The following NEGR1 variants were observed in gnomAD, a reference collection of about 807,000 sequenced individuals.
NEGR1 encodes IgLON family member 4.
A neutral mutation model predicts 40.9 loss-of-function variants in NEGR1; 10 were observed. That is an observed-to-expected ratio of 0.24 (90% CI 0.15 to 0.42). The LOEUF is 0.42. Ranked by LOEUF, NEGR1 falls within the 10% of genes least tolerant of loss-of-function variation. NEGR1 has a pLI of 1.00. For synonymous variants in NEGR1, 185 were observed against 166.8 expected (o/e 1.11, Z -0.84); for missense variants, 352 against 438.9 (o/e 0.80, Z 1.77).
chr1:72,115,846 A>T (rs1028879866), intron 1 of NEGR1, among the ~76,000 whole-genome samples: 3 of 151,702 alleles, frequency 2.0e-5, no homozygotes, highest in Non-Finnish European at 4.4e-5. Context: ...TGCCATCCTT[A>T]TGGTGGGGTG....
Position 72,115,202 on chromosome 1 carries a change from T to C in NEGR1, c.176+167117A>G, listed in dbSNP as rs74525173. Among the ~76,000 whole-genome samples, 16 of 92,074 alleles carry C rather than the reference T, an allele frequency of 1.7e-4. No individual in the cohort carries two copies. In the East Asian group the frequency reaches 4.3e-3, roughly 25 times the overall value. The allele number at this position is 92,074 out of a possible 152,430, so 60.4% of individuals were successfully genotyped here. A position where few individuals can be genotyped will look rare whatever the true frequency, so the allele number is the denominator to read the frequency against. ...GAAAAATGCGTTAATTGTGGTCTTT[T>C]ATATATATATTTTTTCATTTAGCAT... On this transcript the variant is annotated intron_variant, in intron 1 of 6. Coordinates refer to ENST00000357731, the MANE Select transcript of NEGR1 (RefSeq NM_173808.3).
In NEGR1 at chr1:72,204,632, A is replaced by G. The variant is rs1348431401; in HGVS notation, c.176+77687T>C. On this transcript the variant is annotated intron_variant, in intron 1 of 6. Transcript: ENST00000357731. ...ACAAATTACATGCTGACTTCCTTCA[A>G]GTATTATTATAGTTTGGGTTATAAG... Among the ~76,000 whole-genome samples, 3 of 152,280 alleles carry G rather than the reference A, an allele frequency of 2.0e-5. No individual in the cohort carries two copies. In the East Asian group the frequency reaches 5.8e-4, roughly 29 times the overall value.
At chr1:71,496,572 G>C (rs1197674587) in intron 6 of NEGR1, among the ~76,000 whole-genome samples, 1 of 141,962 alleles carries the variant, frequency 7.0e-6, no homozygotes, top group Non-Finnish European at 1.5e-5. Flanking sequence ...CCTTGGGCTA[G>C]GATTATGACA....
At chr1:72,063,042 T>C (rs987957542) in intron 1 of NEGR1, among the ~76,000 whole-genome samples, 1 of 151,954 alleles carries the variant, frequency 6.6e-6, no homozygotes, top group African/African-American at 2.4e-5. Flanking sequence ...TAAAGAAGCG[T>C]TGATTTTAGA....
intron 1 of NEGR1, among the ~76,000 whole-genome samples, chr1:72,050,198 T>C (rs1647045600): frequency 6.6e-6 from 1 of 151,624 alleles, no homozygotes; most frequent in Non-Finnish European, 1.5e-5. Flanking sequence ...TTAATGATGA[T>C]TAATGTTAAA....
At chr1:72,269,492 G>A (rs1428181773) in intron 1 of NEGR1, among the ~76,000 whole-genome samples, 1 of 151,724 alleles carries the variant, frequency 6.6e-6, no homozygotes, top group Non-Finnish European at 1.5e-5. Flanking sequence ...GAAAGGAAAT[G>A]AGTCTGAGCT....
intron 3 of NEGR1, among the ~76,000 whole-genome samples, chr1:71,737,186 G>C (rs1011155167): frequency 2.0e-5 from 3 of 152,162 alleles, no homozygotes; most frequent in Admixed American, 6.6e-5. Flanking sequence ...TTTGAAAAGG[G>C]AAATGAAATA....
intron 2 of NEGR1, among the ~76,000 whole-genome samples, chr1:71,858,832 A>C (rs540251623): frequency 6.6e-5 from 10 of 152,090 alleles, no homozygotes; most frequent in Non-Finnish European, 1.2e-4. Context: ...TATTTAGTTG[A>C]ATATCAGCCC....
intron 3 of NEGR1, among the ~76,000 whole-genome samples, chr1:71,761,013 C>CA (rs2101699841): frequency 6.6e-6 from 1 of 152,266 alleles, no homozygotes; most frequent in East Asian, 1.9e-4. Flanking sequence ...TCATAATTTT[C>CA]ATGTTTTACT....
At chr1:72,274,692 TGAA>T in intron 1 of NEGR1, 2 of 983,290 alleles carry the variant, frequency 2.0e-6, no homozygotes, top group Non-Finnish European at 1.7e-6. Context: ...AAAAACCCAT[TGAA>T]GAAATCATTG....
intron 1 of NEGR1, among the ~76,000 whole-genome samples, chr1:72,013,589 T>C (rs560607862): frequency 1.3e-5 from 2 of 152,244 alleles, no homozygotes; most frequent in South Asian, 4.1e-4. Flanking sequence ...ATAAGCACTA[T>C]AATTTGTAAT....
chr1:71,499,410 A>G (rs1242279364), intron 6 of NEGR1, among the ~76,000 whole-genome samples: 1 of 149,226 alleles, frequency 6.7e-6, no homozygotes, highest in African/African-American at 2.4e-5. Context: ...CCTTGCACAT[A>G]GTTATATATA....
At chr1:71,681,394 T>C (rs1312954458) in intron 4 of NEGR1, among the ~76,000 whole-genome samples, 1 of 152,236 alleles carries the variant, frequency 6.6e-6, no homozygotes, top group Non-Finnish European at 1.5e-5. Flanking sequence ...ACAGTTGTTC[T>C]ATCCTAAGAC....
intron 2 of NEGR1, among the ~76,000 whole-genome samples, chr1:71,790,713 C>A (rs527316635): frequency 2.0e-5 from 3 of 152,114 alleles, no homozygotes; most frequent in African/African-American, 7.2e-5. Context: ...TTTCCAGAGA[C>A]TATGGAAGAC....
intron 1 of NEGR1, among the ~76,000 whole-genome samples, chr1:72,187,053 C>T (rs1221925279): frequency 2.6e-5 from 4 of 151,484 alleles, no homozygotes; most frequent in Non-Finnish European, 5.9e-5. Flanking sequence ...AGGATGTCAA[C>T]ATTTTAGGTG....
rs950820174 is a variant in NEGR1, at chr1:72,123,800, G to A, written c.176+158519C>T. Among the ~76,000 whole-genome samples the A allele has an allele frequency of 2.6e-5, 4 of 152,064 alleles. No individual in the cohort carries two copies. In the South Asian group the frequency reaches 8.3e-4, roughly 31 times the overall value. On this transcript the variant is annotated intron_variant, in intron 1 of 6. Coordinates refer to ENST00000357731, the MANE Select transcript of NEGR1 (RefSeq NM_173808.3). ...CAATAGCTTCTTTATTACAATGTCTGTATTCAAGTTTCTGAGCACTGAACA... is the reference window on the plus strand; with the variant it reads ...CAATAGCTTCTTTATTACAATGTCTATATTCAAGTTTCTGAGCACTGAACA...
At chr1:71,922,553 C>T (rs1018134017) in intron 2 of NEGR1, among the ~76,000 whole-genome samples, 12 of 152,096 alleles carry the variant, frequency 7.9e-5, no homozygotes, top group African/African-American at 2.9e-4. Flanking sequence ...TAGAATTTCT[C>T]CATGAGAAGG....
intron 1 of NEGR1, among the ~76,000 whole-genome samples, chr1:72,176,512 A>G (rs906681415): frequency 5.9e-5 from 9 of 152,084 alleles, no homozygotes; most frequent in African/African-American, 1.9e-4. Flanking sequence ...GAAGGACTAA[A>G]TCTAGCTCCA....
At chr1:72,090,475 T>C (rs1648435063) in intron 1 of NEGR1, among the ~76,000 whole-genome samples, 1 of 151,984 alleles carries the variant, frequency 6.6e-6, no homozygotes, top group Admixed American at 6.6e-5. Context: ...TACATTCACA[T>C]TTACAGGAAT....
Sources: gnomAD v4.1 joint callset for allele counts (sites outside exome capture counted in the v4.1 genomes callset) on GRCh38, gnomAD v4.1.1 for gene constraint, MANE v1.5 for transcripts, NCBI Gene and HGNC (gene_info 2026-07-23, HGNC 2026-07-21) for gene names.